VAMP8: variants seen among roughly 807,000 people sequenced by gnomAD.
The protein encoded by VAMP8 is vesicle-associated membrane protein 8.
A neutral mutation model predicts 11.4 loss-of-function variants in VAMP8; 9 were observed. The observed-to-expected ratio is 0.79, with a 90% CI of 0.48 to 1.38. VAMP8 has a LOEUF of 1.38. Ranked by LOEUF, VAMP8 falls within the 40% of genes most tolerant of loss-of-function variation. VAMP8 has a pLI of 0.00. For synonymous variants in VAMP8, 42 were observed against 44.7 expected (o/e 0.94, Z 0.24); for missense variants, 108 against 127.8 (o/e 0.85, Z 0.75).
Position 85,578,992 on chromosome 2 carries a change from C to T in VAMP8, c.4-17C>T. The T allele has an allele frequency of 1.3e-6, 2 of 1,593,710 alleles. No individual in the cohort carries two copies. The highest frequency in any genetic ancestry group is 1.7e-4 in the Middle Eastern group (1 of 6,036). On this transcript the variant is annotated splice_polypyrimidine_tract_variant and intron_variant, in intron 1 of 2. Coordinates refer to ENST00000263864, the MANE Select transcript of VAMP8 (RefSeq NM_003761.5). Reference sequence around the variant, plus strand: ...TCCCCCACCACTTGGTCTAATTAACCCCGTGTTGCCGCACAGGAGGAAGCC... The same window carrying T: ...TCCCCCACCACTTGGTCTAATTAACTCCGTGTTGCCGCACAGGAGGAAGCC...
At position 85,581,500 on chromosome 2, in the gene VAMP8, G is replaced by A; in HGVS notation, c.163-76G>A. ...AAAAAAAAAAAAGTATGGCCTGTGG[G>A]CTGCACTTGTACTCTTATAATCTTG... On this transcript the variant is annotated intron_variant, in intron 2 of 2. Coordinates refer to ENST00000263864, the MANE Select transcript of VAMP8 (RefSeq NM_003761.5). The A allele has an allele frequency of 1.9e-6, 3 of 1,559,852 alleles. No homozygotes were observed. The South Asian group carries it at 3.5e-5, about 18-fold the overall frequency.
chr2:85,577,754 A>G, intron 1 of VAMP8, 105 bp downstream of exon 1: 4 of 1,496,386 alleles, frequency 2.7e-6, no homozygotes, highest in South Asian at 1.2e-5. Context: ...TGGCAAAGTT[A>G]GAGGGCTGGG....
rs748826364 is a variant in VAMP8, at chr2:85,581,744, T to G, written c.*28T>G. The G allele has an allele frequency of 1.9e-6, 3 of 1,613,704 alleles. No homozygotes were observed. The Admixed American group carries it at 5.0e-5, about 27-fold the overall frequency. On this transcript the variant is annotated 3_prime_UTR_variant, in exon 3 of 3. Transcript: ENST00000263864. Reference sequence around the variant, plus strand: ...AACAGGGAACCTCTCCCACCTGCCCTTCTCTTCAGGGACAACCCTCCATAA... The same window carrying G: ...AACAGGGAACCTCTCCCACCTGCCCGTCTCTTCAGGGACAACCCTCCATAA...
At chr2:85,581,467 A>T in intron 2 of VAMP8, 109 bp from the exon 3 acceptor site, 1 of 1,360,014 alleles carries the variant, frequency 7.4e-7, no homozygotes. Context: ...GCGAGACTCC[A>T]TCTCAAAAAA....
In VAMP8 at chr2:85,581,656, C is replaced by T. The variant is rs369917659; in HGVS notation, c.243C>T (p.Cys81=). Residue 81 remains cysteine (C), a synonymous_variant, in exon 3 of 3, where the codon TGC becomes TGT. Transcript: ENST00000263864. The part of the protein sequence containing the change: ...WKNVKMIVLI[C]VIVFIIILFI... ...ACGTGAAGATGATTGTCCTTATCTG[C>T]GTGATTGTTTTTATCATCATCCTCT... 71 of 1,614,016 alleles carry T rather than the reference C, an allele frequency of 4.4e-5. No homozygotes were observed. The highest frequency in any genetic ancestry group is 5.3e-5 in the Non-Finnish European group (62 of 1,180,042).
In VAMP8 at chr2:85,577,617, C is replaced by T; in HGVS notation, c.-30C>T. On this transcript the variant is annotated 5_prime_UTR_variant, in exon 1 of 3. Coordinates refer to ENST00000263864, the MANE Select transcript of VAMP8 (RefSeq NM_003761.5). ...GGAGGAAGCCGACTAGGCGAATTCA[C>T]TTACTGACCGGCCTGGGCTGCTCTG... The T allele has an allele frequency of 6.4e-7, 1 of 1,551,982 alleles. No individual in the cohort carries two copies. The highest frequency in any genetic ancestry group is 2.4e-5 in the East Asian group (1 of 40,906).
In VAMP8 at chr2:85,581,896, G is replaced by A. The variant is rs1672385643; in HGVS notation, c.*180G>A. ...CAGAAGGTACCTTGGTCCCCCGGAA[G>A]GAGAGAAAAAAGAGAGATGGACTGT... On this transcript the variant is annotated 3_prime_UTR_variant, in exon 3 of 3. Transcript: ENST00000263864. The A allele has an allele frequency of 8.6e-6, 7 of 817,978 alleles. 1 individual carries two copies. Among genetic ancestry groups the A allele is most frequent in the South Asian group, 7.0e-5 (4 of 57,260 alleles). The allele number at this position is 817,978 out of a possible 1,614,324, so 50.7% of individuals were successfully genotyped here.
chr2:85,577,970 G>C (rs892641335), intron 1 of VAMP8, among the ~76,000 whole-genome samples: 12 of 152,212 alleles, frequency 7.9e-5, no homozygotes, highest in African/African-American at 2.7e-4. Flanking sequence ...CGAGGCGGGT[G>C]TTGTGACACC....
rs186497168 is a variant in VAMP8 at position 85,580,727 on chromosome 2, C to T, written c.163-849C>T. Reference sequence around the variant, plus strand: ...TGTTACCCAGGCTGGAGTGCAATGGCGCAATCTCGGCTCACTGCAACCTCC... The same window carrying T: ...TGTTACCCAGGCTGGAGTGCAATGGTGCAATCTCGGCTCACTGCAACCTCC... On this transcript the variant is annotated intron_variant, in intron 2 of 2. Transcript: ENST00000263864. Among the ~76,000 whole-genome samples, 12 of 134,004 alleles carry T rather than the reference C, an allele frequency of 9.0e-5. No individual in the cohort carries two copies. The East Asian group carries it at 2.0e-3, about 23-fold the overall frequency. 87.9% of individuals were successfully genotyped at this position (134,004 alleles called of 152,430 possible). A position where few individuals can be genotyped will look rare whatever the true frequency, so the allele number is the denominator to read the frequency against.
chr2:85,581,717 G>A lies in VAMP8; in HGVS notation c.*1G>A. 3 of 1,614,152 alleles carry A rather than the reference G, an allele frequency of 1.9e-6. No individual in the cohort carries two copies. Among genetic ancestry groups the A allele is most frequent in the Middle Eastern group, 1.6e-4 (1 of 6,062 alleles). ...CTTTGCCACTGGTGCCTTCTCTTAA[G>A]TAACAGGGAACCTCTCCCACCTGCC... On this transcript the variant is annotated 3_prime_UTR_variant, in exon 3 of 3. Transcript: ENST00000263864.
At chr2:85,579,958 ATTTTT>A in intron 2 of VAMP8, 2 of 1,189,596 alleles carry the variant, frequency 1.7e-6, no homozygotes, top group Middle Eastern at 2.9e-4. Flanking sequence ...GGCCCCGGGA[ATTTTT>A]TTTTTTTTTT....
chr2:85,580,812 G>A (rs775239587), intron 2 of VAMP8, among the ~76,000 whole-genome samples: 11 of 151,544 alleles, frequency 7.3e-5, no homozygotes, highest in South Asian at 2.1e-4. Context: ...GATTACAGGC[G>A]TCTGCCACCA....
In VAMP8 at chr2:85,578,913, T is replaced by C; in HGVS notation, c.4-96T>C. The C allele has an allele frequency of 3.0e-6, 4 of 1,330,118 alleles. No homozygotes were observed. In the African/African-American group the frequency reaches 4.5e-5, roughly 15 times the overall value. 82.4% of individuals were successfully genotyped at this position (1,330,118 alleles called of 1,614,324 possible). A position where few individuals can be genotyped will look rare whatever the true frequency, so the allele number is the denominator to read the frequency against. On this transcript the variant is annotated intron_variant, in intron 1 of 2. Transcript: ENST00000263864. ...ACATTTCAAGCATTTTACAAAAAGC[T>C]TAAGTCTGCCTGAGGCCTTACCCTC...
At chr2:85,579,915 T>C in intron 2 of VAMP8, 1 of 1,531,750 alleles carries the variant, frequency 6.5e-7, no homozygotes, top group Non-Finnish European at 8.8e-7. Context: ...TGCCTGTTTC[T>C]GTAGCTTAAT....
intron 2 of VAMP8, among the ~76,000 whole-genome samples, chr2:85,580,559 T>C (rs1270570594): frequency 2.0e-5 from 3 of 151,872 alleles, no homozygotes; most frequent in African/African-American, 7.3e-5. Flanking sequence ...CCCCTAGTCA[T>C]ATCTAGGTGG....
In VAMP8 at chr2:85,579,187, G is replaced by A. The variant is rs927227965; in HGVS notation, c.162+20G>A. On this transcript the variant is annotated intron_variant, in intron 2 of 2. Transcript: ENST00000263864. ...GCCACAGTGAGACAGGGAGCCCACT[G>A]GGGGCTGGAGGAAAACAGGGAGGGA... 1 of 1,555,474 alleles carries A rather than the reference G, an allele frequency of 6.4e-7. No homozygotes were observed. Among genetic ancestry groups the A allele is most frequent in the African/African-American group, 1.4e-5 (1 of 73,322 alleles).
chr2:85,577,700 G>T (rs1016925052), intron 1 of VAMP8, 51 bp downstream of exon 1: 39 of 1,551,434 alleles, frequency 2.5e-5, no homozygotes, highest in Non-Finnish European at 3.1e-5. Context: ...GAGCCAGAGG[G>T]GGCTTGGGAC....
At chr2:85,581,434 C>A in intron 2 of VAMP8, 142 bp from the exon 3 acceptor site, 1 of 1,032,340 alleles carries the variant, frequency 9.7e-7, no homozygotes, top group African/African-American at 1.6e-5. Context: ...GAGCCAAGAT[C>A]GAGCCACTGC....
rs1435030458 is a variant in VAMP8, at chr2:85,581,904, A to G, written c.*188A>G. 4.0e-6 allele frequency: 3 copies of G among 742,898 alleles called. No individual in the cohort carries two copies. The highest frequency in any genetic ancestry group is 3.6e-5 in the African/African-American group (2 of 56,260). The allele number at this position is 742,898 out of a possible 1,614,324, so 46.0% of individuals were successfully genotyped here. On this transcript the variant is annotated 3_prime_UTR_variant, in exon 3 of 3. Transcript: ENST00000263864. ...ACCTTGGTCCCCCGGAAGGAGAGAA[A>G]AAAGAGAGATGGACTGTGGCTGCAT...
Sources: gnomAD v4.1 joint callset for allele counts (sites outside exome capture counted in the v4.1 genomes callset) on GRCh38, gnomAD v4.1.1 for gene constraint, MANE v1.5 for transcripts, NCBI Gene and HGNC (gene_info 2026-07-23, HGNC 2026-07-21) for gene names.